The following CWC22 variants were observed in gnomAD, a reference collection of about 807,000 sequenced individuals.
CWC22 encodes the protein pre-mRNA-splicing factor CWC22 homolog.
A neutral mutation model predicts 117.2 loss-of-function variants in CWC22; 53 were observed. That is an observed-to-expected ratio of 0.45 (90% CI 0.36 to 0.57). The LOEUF (loss-of-function observed/expected upper bound fraction) is 0.57, where lower values mean the gene tolerates loss of function less well. CWC22 is among the 20% of genes least tolerant of loss of function. The pLI is 0.00. For synonymous variants in CWC22, 360 were observed against 355.6 expected, an observed-to-expected ratio of 1.01 and a Z score of -0.14; for missense variants, 980 against 1,068.8, an observed-to-expected ratio of 0.92 and a Z score of 1.16.
At chr2:179,983,180 T>A (rs1687328391) in intron 4 of CWC22, among the ~76,000 whole-genome samples, 1 of 152,106 alleles carries the variant, frequency 6.6e-6, no homozygotes, top group South Asian at 2.1e-4. Context: ...GGGGGTTTGT[T>A]GTATAGATTA....
At chr2:179,958,330 C>CAAAAA (rs11453659) in intron 14 of CWC22, among the ~76,000 whole-genome samples, 8 of 92,246 alleles carry the variant, frequency 8.7e-5, no homozygotes, top group Admixed American at 1.5e-4. Context: ...GACTCTGGCT[C>CAAAAA]AAAAAAAAAA....
chr2:179,975,392 C>G (rs138556635), intron 6 of CWC22, among the ~76,000 whole-genome samples: 1 of 152,240 alleles, frequency 6.6e-6, no homozygotes, highest in African/African-American at 2.4e-5. Context: ...GAAAAGGGTG[C>G]CTACTCTTTC....
At chr2:179,946,658 C>T (rs1686312372) in intron 19 of CWC22, among the ~76,000 whole-genome samples, 1 of 151,960 alleles carries the variant, frequency 6.6e-6, no homozygotes, top group Admixed American at 6.6e-5. Context: ...AAATTCCAGC[C>T]CATAGAGTGT....
intron 4 of CWC22, among the ~76,000 whole-genome samples, chr2:179,985,415 T>C (rs572114940): frequency 1.1e-4 from 17 of 152,200 alleles, no homozygotes; most frequent in African/African-American, 4.1e-4. Context: ...TGCCCCACTA[T>C]TTTCTTTGAG....
chr2:179,982,720 T>C (rs142196599), intron 4 of CWC22, among the ~76,000 whole-genome samples: 432 of 152,300 alleles, frequency 2.8e-3, no homozygotes, highest in African/African-American at 8.8e-3. Context: ...TGATTATCCT[T>C]TCTTAAGCTG....
intron 5 of CWC22, among the ~76,000 whole-genome samples, chr2:179,979,004 G>A (rs779894860): frequency 1.3e-5 from 2 of 152,120 alleles, no homozygotes; most frequent in African/African-American, 4.8e-5. Context: ...AGTTTCTTTA[G>A]GTTGAATTGG....
At position 179,988,560 on chromosome 2, in the gene CWC22, C is replaced by T; in HGVS notation, c.95+17G>A. ...ATAAAAATTTACATTGCATTCAGAG[C>T]ATATTAAACTATTTACCTGTCTTCT... On this transcript the variant is annotated intron_variant, in intron 3 of 19. Coordinates refer to ENST00000410053, the MANE Select transcript of CWC22 (RefSeq NM_020943.3). 7.7e-7 allele frequency: 1 copy of T among 1,302,362 alleles called. No homozygotes were observed. The highest frequency in any genetic ancestry group is 1.1e-6 in the Non-Finnish European group (1 of 932,238). 80.7% of individuals were successfully genotyped at this position (1,302,362 alleles called of 1,614,324 possible).
At chr2:179,979,053 G>A (rs571300684) in intron 5 of CWC22, among the ~76,000 whole-genome samples, 2 of 152,182 alleles carry the variant, frequency 1.3e-5, no homozygotes, top group East Asian at 3.9e-4. Flanking sequence ...CAGTTCTATG[G>A]GTTTTGTAAC....
At chr2:179,964,210 C>A (rs1284142400) in intron 13 of CWC22, among the ~76,000 whole-genome samples, 1 of 152,186 alleles carries the variant, frequency 6.6e-6, no homozygotes, top group Non-Finnish European at 1.5e-5. Flanking sequence ...TTAAATATTA[C>A]ATTTTCATTA....
intron 8 of CWC22, among the ~76,000 whole-genome samples, 197 bp downstream of exon 8, chr2:179,972,996 G>A (rs531053797): frequency 6.6e-5 from 10 of 151,216 alleles, no homozygotes; most frequent in South Asian, 4.2e-4. Context: ...GCGACAGAGT[G>A]AGACTCCATC....
At chr2:179,966,414 A>T (rs1187274741) in intron 11 of CWC22, among the ~76,000 whole-genome samples, 1 of 152,242 alleles carries the variant, frequency 6.6e-6, no homozygotes, top group African/African-American at 2.4e-5. Context: ...GTACTTGGAA[A>T]GACAAAGAAG....
At chr2:179,972,565 G>A (rs907425798) in intron 8 of CWC22, among the ~76,000 whole-genome samples, 1 of 152,146 alleles carries the variant, frequency 6.6e-6, no homozygotes, top group Non-Finnish European at 1.5e-5. Context: ...TGAAGTGGAG[G>A]AGATACCAAC....
chr2:180,002,595 T>C (rs1427884604), intron 1 of CWC22, among the ~76,000 whole-genome samples: 1 of 152,162 alleles, frequency 6.6e-6, no homozygotes, highest in Non-Finnish European at 1.5e-5. Context: ...GATATATACA[T>C]TACACAACAG....
rs17778270 is a variant in CWC22 at position 179,950,685 on chromosome 2, G to A, written c.1967C>T (p.Ala656Val). 50,837 of 1,613,392 alleles carry A rather than the reference G, an allele frequency of 0.032. 914 individuals are homozygous for A. Among genetic ancestry groups the A allele is most frequent in the Non-Finnish European group, 0.037 (43,077 of 1,179,444 alleles). ...HLKNTPKVIVAQKPDVEQNKS... is the reference protein window; with the variant it reads ...HLKNTPKVIVVQKPDVEQNKS... ...ATTTTGCTCAACATCTGGTTTCTGC[G>A]CCACAATGACCTTTGGTGTATTTTT... The change falls in exon 19 of 20, where the codon GCG becomes GTG. Residue 656 changes from alanine to valine, a missense_variant. Physicochemically the swap from Ala to Val is moderately conservative, Grantham distance 64 (BLOSUM62 0). Transcript: ENST00000410053.
chr2:179,958,515 A>G (rs1011796160), intron 14 of CWC22, among the ~76,000 whole-genome samples: 1 of 151,724 alleles, frequency 6.6e-6, no homozygotes, highest in Non-Finnish European at 1.5e-5. Context: ...GAGGCCCAAC[A>G]CAAATTCATA....
intron 1 of CWC22, 46 bp from the exon 2 acceptor site, chr2:179,993,500 GAAAAA>G: frequency 1.8e-6 from 1 of 563,632 alleles, no homozygotes; most frequent in Non-Finnish European, 3.2e-6. Context: ...AACAAAGTGT[GAAAAA>G]TGATGATATA....
At chr2:179,965,207 AT>A (rs1258268322) in intron 12 of CWC22, among the ~76,000 whole-genome samples, 16 of 152,188 alleles carry the variant, frequency 1.1e-4, no homozygotes, top group African/African-American at 3.9e-4. Flanking sequence ...TTTACAAAAT[AT>A]GTTATAGAAG....
intron 2 of CWC22, among the ~76,000 whole-genome samples, chr2:179,990,790 G>A (rs1394912010): frequency 1.3e-5 from 2 of 152,174 alleles, no homozygotes; most frequent in Non-Finnish European, 2.9e-5. Context: ...TGTGAAGAAG[G>A]ATTTCATAAA....
intron 14 of CWC22, among the ~76,000 whole-genome samples, chr2:179,958,545 G>GTT (rs536775668): frequency 4.9e-5 from 7 of 142,794 alleles, no homozygotes; most frequent in Middle Eastern, 3.6e-3. Context: ...AAAACATTAT[G>GTT]TTTTTTTTTT....
Sources: allele counts gnomAD v4.1 joint callset (sites outside exome capture counted in the v4.1 genomes callset), GRCh38; gene constraint gnomAD v4.1.1; transcripts MANE v1.5; gene names NCBI Gene and HGNC (gene_info 2026-07-23, HGNC 2026-07-21).